The following TMTC2 variants were observed in gnomAD, a reference collection of about 807,000 sequenced individuals.
The protein encoded by TMTC2 is transmembrane O-mannosyltransferase targeting cadherins 2, also known as protein O-mannosyl-transferase TMTC2.
A neutral mutation model predicts 82.4 loss-of-function variants in TMTC2; 43 were observed. The ratio of observed to expected loss-of-function variants is 0.52; its 90% CI spans 0.41 to 0.67. TMTC2 has a LOEUF of 0.67. Among genes scored for constraint, TMTC2 ranks in the 30% least tolerant of loss-of-function variants. The pLI, the probability that TMTC2 is intolerant of heterozygous loss-of-function variation, is 0.00. For missense variants in TMTC2, 919 were observed against 1,012.4 expected, an observed-to-expected ratio of 0.91 and a Z score of 1.25; for synonymous variants, 408 against 381.9, an observed-to-expected ratio of 1.07 and a Z score of -0.80.
chr12:82,874,688 A>G (rs963786499), intron 2 of TMTC2, among the ~76,000 whole-genome samples: 1 of 152,146 alleles, frequency 6.6e-6, no homozygotes, highest in Non-Finnish European at 1.5e-5. Context: ...TTAAACTTAA[A>G]TACAGTTAAT....
intron 8 of TMTC2, among the ~76,000 whole-genome samples, chr12:83,026,705 AGTGTGT>A (rs67900968): frequency 0.18 from 26,208 of 142,896 alleles, 2,302 homozygotes; most frequent in African/African-American, 0.22. Context: ...TGATTGAAGG[AGTGTGT>A]GTGTGTGTGT....
intron 4 of TMTC2, among the ~76,000 whole-genome samples, chr12:82,950,650 C>T (rs981027146): frequency 6.6e-6 from 1 of 152,172 alleles, no homozygotes; most frequent in African/African-American, 2.4e-5. Flanking sequence ...AACATAAAGG[C>T]TTATTTAGAT....
Position 82,896,255 on chromosome 12 carries a change from G to A in TMTC2, c.1092G>A (p.Glu364=). Residue 364 remains glutamate, a synonymous_variant, in exon 3 of 12, where the codon GAG becomes GAA. Coordinates refer to ENST00000321196, the MANE Select transcript of TMTC2 (RefSeq NM_152588.3). Reference sequence around the variant, plus strand: ...CAGATGTGGAGTACCAGAACTCAGAGACTAAGTCCAGCTTTGCATCCAAAG... The same window carrying A: ...CAGATGTGGAGTACCAGAACTCAGAAACTAAGTCCAGCTTTGCATCCAAAG... The part of the protein sequence containing the change: ...CLSDVEYQNS[E]TKSSFASKVE... 6.2e-7 allele frequency: 1 copy of A among 1,614,062 alleles called. No homozygotes were observed. The highest frequency in any genetic ancestry group is 8.5e-7 in the Non-Finnish European group (1 of 1,180,014).
intron 8 of TMTC2, among the ~76,000 whole-genome samples, chr12:83,026,831 A>C (rs749415845): frequency 6.6e-6 from 1 of 151,878 alleles, no homozygotes; most frequent in Non-Finnish European, 1.5e-5. Flanking sequence ...TGCCTTGTAC[A>C]TCCACTCAGC....
At chr12:82,731,009 G>A (rs1300572338) in intron 1 of TMTC2, among the ~76,000 whole-genome samples, 2 of 152,168 alleles carry the variant, frequency 1.3e-5, no homozygotes, top group East Asian at 3.8e-4. Flanking sequence ...CTTCAATAAG[G>A]TAATTATTTT....
intron 4 of TMTC2, among the ~76,000 whole-genome samples, chr12:82,954,436 T>G (rs1877511367): frequency 6.6e-6 from 1 of 152,232 alleles, no homozygotes; most frequent in Non-Finnish European, 1.5e-5. Flanking sequence ...ACTGAAAAAT[T>G]ATTTATTCAT....
intron 11 of TMTC2, among the ~76,000 whole-genome samples, chr12:83,118,563 T>C (rs142050690): frequency 6.6e-6 from 1 of 152,346 alleles, no homozygotes; most frequent in Non-Finnish European, 1.5e-5. Context: ...TGTTGTTGGA[T>C]TCGGTTAGCT....
At chr12:82,889,897 CTG>C (rs1166107039) in intron 2 of TMTC2, among the ~76,000 whole-genome samples, 1 of 151,778 alleles carries the variant, frequency 6.6e-6, no homozygotes, top group African/African-American at 2.4e-5. Flanking sequence ...ATATCTATTT[CTG>C]TTTTTTCTTT....
intron 4 of TMTC2, among the ~76,000 whole-genome samples, chr12:82,959,982 GACA>G (rs1877834646): frequency 6.6e-6 from 1 of 151,404 alleles, no homozygotes; most frequent in Non-Finnish European, 1.5e-5. Flanking sequence ...ACAAGCAAAA[GACA>G]ACACCATTAA....
At chr12:83,043,938 A>G (rs1236122917) in intron 9 of TMTC2, among the ~76,000 whole-genome samples, 1 of 152,220 alleles carries the variant, frequency 6.6e-6, no homozygotes, top group Non-Finnish European at 1.5e-5. Flanking sequence ...CGAAATTAAA[A>G]TATATTTGAA....
chr12:83,106,116 G>A (rs1238826028), intron 11 of TMTC2, among the ~76,000 whole-genome samples: 1 of 152,084 alleles, frequency 6.6e-6, no homozygotes, highest in African/African-American at 2.4e-5. Context: ...TTCTTAGGAG[G>A]CCACACAGCG....
At chr12:82,729,669 G>C (rs7310480) in intron 1 of TMTC2, among the ~76,000 whole-genome samples, 150,827 of 152,324 alleles carry the variant, frequency 0.99, 74,689 homozygotes, top group Middle Eastern at 1. Context: ...AATTGGCTCT[G>C]TGTAAAATGG....
At chr12:82,935,170 T>G (rs917691235) in intron 4 of TMTC2, among the ~76,000 whole-genome samples, 9 of 152,254 alleles carry the variant, frequency 5.9e-5, no homozygotes, top group African/African-American at 1.9e-4. Flanking sequence ...AAGAGCTGCC[T>G]TCAAGAAGAA....
intron 2 of TMTC2, among the ~76,000 whole-genome samples, chr12:82,890,431 A>G (rs1450825091): frequency 6.6e-6 from 1 of 152,108 alleles, no homozygotes; most frequent in African/African-American, 2.4e-5. Flanking sequence ...TAAGAATTCA[A>G]TTTGTCCCAG....
chr12:82,996,887 T>G (rs1042032562), intron 8 of TMTC2, among the ~76,000 whole-genome samples: 1 of 152,006 alleles, frequency 6.6e-6, no homozygotes, highest in Non-Finnish European at 1.5e-5. Flanking sequence ...AATCAGAAAT[T>G]TACTCACTTA....
chr12:83,121,609 C>T (rs1884949269), intron 11 of TMTC2, among the ~76,000 whole-genome samples: 1 of 152,052 alleles, frequency 6.6e-6, no homozygotes. Flanking sequence ...TGGTTTAATG[C>T]ACTCTTTTTG....
intron 1 of TMTC2, among the ~76,000 whole-genome samples, chr12:82,850,990 G>A (rs2137105782): frequency 6.6e-6 from 1 of 152,136 alleles, no homozygotes; most frequent in East Asian, 1.9e-4. Context: ...CTTGAACCCG[G>A]GAGGCAGAGG....
At chr12:82,927,765 C>T (rs1246314541) in intron 3 of TMTC2, among the ~76,000 whole-genome samples, 1 of 152,184 alleles carries the variant, frequency 6.6e-6, no homozygotes, top group Non-Finnish European at 1.5e-5. Flanking sequence ...CAAGACCCTC[C>T]ACCAGCACAA....
chr12:82,785,364 C>CT (rs1878128800), intron 1 of TMTC2, among the ~76,000 whole-genome samples: 1 of 149,494 alleles, frequency 6.7e-6, no homozygotes, highest in African/African-American at 2.5e-5. Flanking sequence ...CAACCCCCCC[C>CT]CGTCCCCCCC....
Sources: gnomAD v4.1 joint callset for allele counts (sites outside exome capture counted in the v4.1 genomes callset) on GRCh38, gnomAD v4.1.1 for gene constraint, MANE v1.5 for transcripts, NCBI Gene and HGNC (gene_info 2026-07-23, HGNC 2026-07-21) for gene names.